ACSL4: variants seen among roughly 807,000 people sequenced by gnomAD.
The protein encoded by ACSL4 is long-chain-fatty-acid--CoA ligase 4.
ACSL4 carries 9 observed loss-of-function variants against 49.1 expected under a neutral mutation model. The ratio of observed to expected loss-of-function variants is 0.18; its 90% CI spans 0.11 to 0.32. ACSL4 has a LOEUF of 0.32. Ranked by LOEUF, ACSL4 falls within the 10% of genes least tolerant of loss-of-function variation. The probability of loss-of-function intolerance (pLI) is 1.00; values close to 1 mark genes in which losing one functional copy is unlikely to be tolerated. For synonymous variants in ACSL4, 191 were observed against 170.3 expected, an observed-to-expected ratio of 1.12 and a Z score of -0.95; for missense variants, 333 against 493.7, an observed-to-expected ratio of 0.67 and a Z score of 3.08.
chrX:109,729,887 A>T (rs1928294719), intron 1 of ACSL4, among the ~76,000 whole-genome samples: 1 of 112,429 alleles, frequency 8.9e-6, no homozygotes, highest in Non-Finnish European at 1.9e-5. Flanking sequence ...ATTCATTTAT[A>T]TAAGCATTTT....
intron 1 of ACSL4, among the ~76,000 whole-genome samples, chrX:109,701,670 G>A (rs1425723419): frequency 9.9e-6 from 1 of 101,487 alleles, no homozygotes; most frequent in Admixed American, 1.1e-4. Flanking sequence ...TCAGCCTCCC[G>A]AGTAGCTGGG....
intron 6 of ACSL4, among the ~76,000 whole-genome samples, chrX:109,678,789 C>G (rs140190613): frequency 1.2e-3 from 130 of 112,722 alleles, no homozygotes; most frequent in Non-Finnish European, 2.1e-3. Flanking sequence ...ATGGTCATAC[C>G]ATTGTGCTCC....
In ACSL4 at chrX:109,648,799, C is replaced by T. The variant is rs766486441; in HGVS notation, c.1856-4613G>A. Among the ~76,000 whole-genome samples, 707 of 100,392 alleles carry T rather than the reference C, an allele frequency of 7.0e-3. 5 individuals are homozygous for T. The highest frequency in any genetic ancestry group is 0.039 in the Middle Eastern group (8 of 207). 87.2% of individuals were successfully genotyped at this position (100,392 alleles called of 115,157 possible). On this transcript the variant is annotated intron_variant, in intron 15 of 15. Transcript: ENST00000672401. ...CCCCATTGTCTCAGCCCAAAATCTC[C>T]TTAAGCTGATAAGCAACTTCAGCAA...
chrX:109,653,699 G>T (rs1347987886), intron 15 of ACSL4, among the ~76,000 whole-genome samples: 1 of 109,287 alleles, frequency 9.2e-6, no homozygotes, highest in Non-Finnish European at 1.9e-5. Context: ...GTAAACTATC[G>T]CAAGGACAAA....
At chrX:109,716,695 C>T (rs1288437827) in intron 1 of ACSL4, among the ~76,000 whole-genome samples, 1 of 111,749 alleles carries the variant, frequency 8.9e-6, no homozygotes, top group Non-Finnish European at 1.9e-5. Context: ...TTGCATAGTG[C>T]CAAAACAAGA....
rs1934453676 is a variant in ACSL4, at chrX:109,641,858, T to C, written c.*2171A>G. The C allele has an allele frequency of 8.9e-6, 1 of 112,862 alleles. No homozygotes were observed. Among genetic ancestry groups the C allele is most frequent in the South Asian group, 3.6e-4 (1 of 2,768 alleles). 9.3% of individuals were successfully genotyped at this position (112,862 alleles called of 1,213,427 possible). On this transcript the variant is annotated 3_prime_UTR_variant, in exon 16 of 16. Transcript: ENST00000672401. ...ACAACTTTAGTTGATGGCTGATGTG[T>C]ATGTAATAACTGTGAGCAATTTAAA... is the stretch of plus-strand genomic sequence containing the variant.
chrX:109,651,492 C>G (rs768853707), intron 15 of ACSL4, among the ~76,000 whole-genome samples: 9 of 111,380 alleles, frequency 8.1e-5, no homozygotes, highest in Non-Finnish European at 1.5e-4. Flanking sequence ...TAAATTACAA[C>G]CAACTTCCTA....
chrX:109,727,657 TTGTGTGTGTGTGTGTGTGTGTGTGTGTG>T (rs35186119), intron 1 of ACSL4, among the ~76,000 whole-genome samples: 42,851 of 87,992 alleles, frequency 0.49, 7,833 homozygotes, highest in Middle Eastern at 0.66. Flanking sequence ...GTTTGTTAAA[TTGTGTGTGTGTGTGTGTGTGTGTGTGTG>T]TGTGTGTGTG....
intron 1 of ACSL4, among the ~76,000 whole-genome samples, chrX:109,703,108 T>C (rs1423801964): frequency 8.9e-6 from 1 of 111,917 alleles, no homozygotes; most frequent in African/African-American, 3.3e-5. Flanking sequence ...TGTGTGGATA[T>C]TACTTCATTG....
At chrX:109,714,931 G>T (rs1927009173) in intron 1 of ACSL4, among the ~76,000 whole-genome samples, 1 of 112,091 alleles carries the variant, frequency 8.9e-6, no homozygotes, top group African/African-American at 3.2e-5. Flanking sequence ...GTTCACAAAA[G>T]AAGTAAATGC....
chrX:109,669,446 T>C (rs1277859970), intron 9 of ACSL4, among the ~76,000 whole-genome samples: 1 of 107,239 alleles, frequency 9.3e-6, no homozygotes, highest in Non-Finnish European at 1.9e-5. Flanking sequence ...CAGGCTGGAG[T>C]GCAGTGGCGG....
chrX:109,683,554 T>C (rs1379041807), intron 2 of ACSL4, 179 bp from the exon 3 acceptor site: 1 of 861,981 alleles, frequency 1.2e-6, no homozygotes, highest in African/African-American at 2.0e-5. Flanking sequence ...CTTATTGTGC[T>C]GAAGAAGGCA....
At chrX:109,644,229 A>G (rs1376607090) in intron 15 of ACSL4, 43 bp from the exon 16 acceptor site, 11 of 1,150,084 alleles carry the variant, frequency 9.6e-6, no homozygotes, top group Non-Finnish European at 1.2e-5. Context: ...AGAGGGGGGG[A>G]AAGAGACGAG....
Position 109,663,765 on chromosome X carries a change from C to T in ACSL4, c.1391-363G>A, listed in dbSNP as rs1454933931. 2.7e-5 allele frequency among the ~76,000 whole-genome samples: 3 copies of T among 111,008 alleles called. No homozygotes were observed. The Admixed American group carries it at 2.9e-4, about 11-fold the overall frequency. The stretch of plus-strand genomic sequence containing the variant: ...AAGTAAATTACTGACATACTGATAT[C>T]AATGCATTTCAAATTTTTTCTAAGG... On this transcript the variant is annotated intron_variant, in intron 12 of 15. Transcript: ENST00000672401.
At chrX:109,728,543 T>C (rs939569933) in intron 1 of ACSL4, among the ~76,000 whole-genome samples, 3 of 112,274 alleles carry the variant, frequency 2.7e-5, no homozygotes, top group Admixed American at 9.4e-5. Flanking sequence ...CCTGGTGAGG[T>C]AGACATTATA....
At chrX:109,692,628 A>G (rs1353544274) in intron 2 of ACSL4, among the ~76,000 whole-genome samples, 2 of 112,069 alleles carry the variant, frequency 1.8e-5, no homozygotes, top group African/African-American at 6.5e-5. Context: ...GACAATGTCA[A>G]TGTTGTACAA....
chrX:109,692,242 T>C (rs1925092185), intron 2 of ACSL4: 1 of 111,837 alleles, frequency 8.9e-6, no homozygotes. Context: ...ATCCTATCTA[T>C]GTATGTTAAA....
intron 15 of ACSL4, among the ~76,000 whole-genome samples, chrX:109,645,369 C>T (rs1355513258): frequency 8.9e-6 from 1 of 111,905 alleles, no homozygotes; most frequent in Non-Finnish European, 1.9e-5. Context: ...TGACCCCTGA[C>T]CCCCGAGCAG....
At position 109,642,602 on chromosome X, in the gene ACSL4, T is replaced by C. The variant is rs1233024925; in HGVS notation, c.*1427A>G. The C allele has an allele frequency of 9.0e-6, 1 of 111,186 alleles. No individual in the cohort carries two copies. The highest frequency in any genetic ancestry group is 3.3e-5 in the African/African-American group (1 of 30,504). The allele number at this position is 111,186 out of a possible 1,213,427, so 9.2% of individuals were successfully genotyped here. A position where few individuals can be genotyped will look rare whatever the true frequency, so the allele number is the denominator to read the frequency against. The stretch of plus-strand genomic sequence containing the variant: ...CAACACACACACACACATATATATA[T>C]GCATATATATAAAAAATGATTAAGA... On this transcript the variant is annotated 3_prime_UTR_variant, in exon 16 of 16. Coordinates refer to ENST00000672401, the MANE Select transcript of ACSL4 (RefSeq NM_001318510.2).
Sources: allele counts gnomAD v4.1 joint callset (sites outside exome capture counted in the v4.1 genomes callset), GRCh38; gene constraint gnomAD v4.1.1; transcripts MANE v1.5; gene names NCBI Gene and HGNC (gene_info 2026-07-23, HGNC 2026-07-21).